Variants in ARAP1 observed in about 807,000 individuals in gnomAD.
ARAP1 encodes the protein ArfGAP with RhoGAP domain, ankyrin repeat and PH domain 1.
In ARAP1, 76 loss-of-function variants were observed where a neutral mutation model predicts 172.2. The observed-to-expected ratio is 0.44, with a 90% CI of 0.37 to 0.53. The LOEUF is 0.53. Ranked by LOEUF, ARAP1 falls within the 20% of genes least tolerant of loss-of-function variation. ARAP1 has a pLI of 0.00. For missense variants in ARAP1, 1,686 were observed against 1,977.5 expected, an observed-to-expected ratio of 0.85 and a Z score of 2.80; for synonymous variants, 804 against 803.3, an observed-to-expected ratio of 1.00 and a Z score of -0.01.
Position 72,703,416 on chromosome 11 carries a change from G to A in ARAP1, c.1993-337C>T, listed in dbSNP as rs1032060135. On this transcript the variant is annotated intron_variant, in intron 14 of 34. Transcript: ENST00000393609. ...CTGCCTTGTGGAGGAGCCGGGGGGG[G>A]GGTGTGCTTTGTAGCTAATTCCTCC... 8 of 110,398 alleles carry A rather than the reference G, an allele frequency of 7.2e-5. 1 individual carries two copies. The highest frequency in any genetic ancestry group is 2.2e-4 in the African/African-American group (5 of 22,780). 6.8% of individuals were successfully genotyped at this position (110,398 alleles called of 1,614,324 possible).
In ARAP1 at chr11:72,697,101, G is replaced by A. The variant is rs772330352; in HGVS notation, c.3048C>T (p.His1016=). The change falls in exon 22 of 35, where the codon CAC becomes CAT. Residue 1016 remains histidine (H), a synonymous_variant. Transcript: ENST00000393609. The stretch of plus-strand genomic sequence containing the variant: ...CCACGTGCTGCTCGCCCTCCTTGAG[G>A]TGCACAGAGCGCGCATCCTGCCGCA... The part of the protein sequence containing the change: ...ESLRQDARSV[H]LKEGEQHVDD... 1 of 1,608,864 alleles carries A rather than the reference G, an allele frequency of 6.2e-7. No individual in the cohort carries two copies. Among genetic ancestry groups the A allele is most frequent in the Non-Finnish European group, 8.5e-7 (1 of 1,179,922 alleles).
At chr11:72,701,895 G>T in intron 15 of ARAP1, 112 bp from the exon 16 acceptor site, 1 of 1,397,686 alleles carries the variant, frequency 7.2e-7, no homozygotes. Flanking sequence ...ATCAGCCCCA[G>T]CTCCCTAACT....
chr11:72,688,517 C>T lies in ARAP1; in HGVS notation c.4008G>A (p.Glu1336=). 3.1e-6 allele frequency: 5 copies of T among 1,612,534 alleles called. No homozygotes were observed. Among genetic ancestry groups the T allele is most frequent in the Non-Finnish European group, 3.4e-6 (4 of 1,179,388 alleles). ...AGACTTTGAGACTCTTAATAGGCCA[C>T]TCCTTCTCAGGCCGGTGACTCTGAG... is the stretch of plus-strand genomic sequence containing the variant. ...APETSHRPEK[E]WPIKSLKVYL... is the part of the protein sequence containing the mutation. Residue 1336 remains glutamate, a synonymous_variant, in exon 31 of 35, where the codon GAG becomes GAA. Coordinates refer to ENST00000393609, the MANE Select transcript of ARAP1 (RefSeq NM_001040118.3).
Position 72,693,822 on chromosome 11 carries a change from C to T in ARAP1, c.3695-17G>A. ...GGGGGCGCTCTGGGGAGAGGTCACA[C>T]CTACCGTCACTGGGACCACATGGCC... On this transcript the variant is annotated splice_polypyrimidine_tract_variant and intron_variant, in intron 27 of 34. Coordinates refer to ENST00000393609, the MANE Select transcript of ARAP1 (RefSeq NM_001040118.3). The surrounding 1 kb of genome is among the most constrained non-coding windows in gnomAD (Gnocchi z 4.6). 6.4e-7 allele frequency: 1 copy of T among 1,573,202 alleles called. No homozygotes were observed. Among genetic ancestry groups the T allele is most frequent in the Non-Finnish European group, 8.6e-7 (1 of 1,160,198 alleles).
At chr11:72,720,333 C>T (rs1391443938) in intron 3 of ARAP1, among the ~76,000 whole-genome samples, 3 of 152,210 alleles carry the variant, frequency 2.0e-5, no homozygotes, top group African/African-American at 7.2e-5. Flanking sequence ...CCTTCCTCCT[C>T]CATCATGAGA....
chr11:72,743,303 G>C (rs1382009386), intron 1 of ARAP1, among the ~76,000 whole-genome samples: 3 of 152,218 alleles, frequency 2.0e-5, no homozygotes, highest in Non-Finnish European at 2.9e-5. Context: ...TATTGAGCAG[G>C]CACTCAATAT....
intron 22 of ARAP1, 154 bp from the exon 23 acceptor site, chr11:72,696,808 G>T: frequency 1.1e-6 from 1 of 931,170 alleles, no homozygotes; most frequent in Non-Finnish European, 1.6e-6. Context: ...AGGAACTCTC[G>T]GTCTTCCAGG....
chr11:72,715,050 G>T (rs576844195), intron 3 of ARAP1, among the ~76,000 whole-genome samples: 1 of 152,338 alleles, frequency 6.6e-6, no homozygotes, highest in East Asian at 1.9e-4. Flanking sequence ...ATTGCTTCTG[G>T]CAGGCTGTCT....
intron 3 of ARAP1, among the ~76,000 whole-genome samples, chr11:72,716,337 C>T (rs1857272951): frequency 6.6e-6 from 1 of 152,216 alleles, no homozygotes; most frequent in African/African-American, 2.4e-5. Context: ...TGTCTCTTCT[C>T]CAGGTGTAGA....
chr11:72,715,650 AG>A (rs1857240385), intron 3 of ARAP1, among the ~76,000 whole-genome samples: 1 of 149,128 alleles, frequency 6.7e-6, no homozygotes, highest in Non-Finnish European at 1.5e-5. Context: ...AGCTCACTGC[AG>A]CCTCAAACTC....
At chr11:72,728,669 C>A (rs1857770217) in intron 2 of ARAP1, among the ~76,000 whole-genome samples, 1 of 151,954 alleles carries the variant, frequency 6.6e-6, no homozygotes, top group Non-Finnish European at 1.5e-5. Context: ...AGGTAGAAAC[C>A]AGGATGAAAG....
At chr11:72,689,814 C>A (rs144150487) in intron 30 of ARAP1, among the ~76,000 whole-genome samples, 1 of 152,220 alleles carries the variant, frequency 6.6e-6, no homozygotes, top group Non-Finnish European at 1.5e-5. Context: ...ATGGAACAAT[C>A]AGGGCTGCAG....
chr11:72,750,596 T>A (rs1269649103), intron 1 of ARAP1, among the ~76,000 whole-genome samples: 2 of 152,096 alleles, frequency 1.3e-5, no homozygotes, highest in Admixed American at 6.5e-5. Context: ...TGCCCCAGCA[T>A]CTTAGCAGAT....
At chr11:72,745,182 CTTTTTTTT>C (rs902550014) in intron 1 of ARAP1, among the ~76,000 whole-genome samples, 105 of 88,308 alleles carry the variant, frequency 1.2e-3, no homozygotes, top group African/African-American at 5.0e-3. Flanking sequence ...AAGTTTCTTT[CTTTTTTTT>C]TTTTTTTTTT....
rs1032591680 is a variant in ARAP1 at position 72,731,792 on chromosome 11, CTT to C, written c.-45+721_-45+722del. Among the ~76,000 whole-genome samples, 155 of 152,298 alleles carry C rather than the reference CTT, an allele frequency of 1.0e-3. 1 individual carries two copies. The highest frequency in any genetic ancestry group is 3.4e-3 in the African/African-American group (141 of 41,556). On this transcript the variant is annotated intron_variant, in intron 2 of 34. Coordinates refer to ENST00000393609, the MANE Select transcript of ARAP1 (RefSeq NM_001040118.3). ...AAATCCACCTCTGAGGAGAGGGAGA[CTT>C]TTCACTTCAACATATAAAGATGTCA... is the stretch of plus-strand genomic sequence containing the variant.
intron 1 of ARAP1, among the ~76,000 whole-genome samples, chr11:72,751,552 C>A (rs1387076355): frequency 1.3e-5 from 2 of 152,026 alleles, no homozygotes; most frequent in Non-Finnish European, 2.9e-5. Context: ...ACCCTGGGAC[C>A]CACCAAAGAG....
chr11:72,709,883 A>G lies in ARAP1; in HGVS notation c.1510T>C (p.Tyr504His), dbSNP rs565060098. 2 of 1,614,152 alleles carry G rather than the reference A, an allele frequency of 1.2e-6. No homozygotes were observed. Among genetic ancestry groups the G allele is most frequent in the African/African-American group, 1.3e-5 (1 of 75,032 alleles). The change falls in exon 11 of 35, where the codon TAC (tyrosine) becomes CAC (histidine). Residue 504 changes from tyrosine (Y) to histidine (H), a missense_variant. Around this residue, in one of 5 missense-constraint regions of ARAP1, gnomAD observed 688 missense variants for 856.9 expected, o/e 0.80. Transcript: ENST00000393609. ...DRRSFDLTTP[Y>H]RIFSFSADSE... ...ATGGAGGGTCACCTGAAGATGCGGT[A>G]GGGCGTGGTGAGGTCGAAGCTGCGC...
rs143362322 is a variant in ARAP1, at chr11:72,710,556, C to A, written c.1245G>T (p.Gln415His). Reference protein sequence around the residue: ...VERKEWMQALQQAMAEQRARA... With the variant: ...VERKEWMQALHQAMAEQRARA... Reference sequence around the variant, plus strand: ...GGGCACGCTGCTCAGCCATGGCCTGCTGCAGGGCCTGCATCCACTCCTTCC... The same window carrying A: ...GGGCACGCTGCTCAGCCATGGCCTGATGCAGGGCCTGCATCCACTCCTTCC... The change falls in exon 10 of 35, where the codon CAG becomes CAT. Residue 415 changes from glutamine (Q) to histidine (H), a missense_variant. Physicochemically the swap from Gln to His is conservative, Grantham distance 24. Coordinates refer to ENST00000393609, the MANE Select transcript of ARAP1 (RefSeq NM_001040118.3). The surrounding 1 kb of genome is among the most constrained non-coding windows in gnomAD (Gnocchi z 4.3). 2 of 1,609,752 alleles carry A rather than the reference C, an allele frequency of 1.2e-6. No homozygotes were observed. Among genetic ancestry groups the A allele is most frequent in the African/African-American group, 1.3e-5 (1 of 74,912 alleles).
chr11:72,699,451 C>A lies in ARAP1; in HGVS notation c.2404G>T (p.Val802Leu). The A allele has an allele frequency of 6.2e-7, 1 of 1,614,182 alleles. No homozygotes were observed. Among genetic ancestry groups the A allele is most frequent in the Non-Finnish European group, 8.5e-7 (1 of 1,180,032 alleles). ...TCAGGAGGGGGCACTGCCAGGCACA[C>A]AATCTCGCTGGCCCGAATCTCTCCA... Reference protein sequence around the residue: ...PNGEIRASEIVCLAVPPPDTH... With the variant: ...PNGEIRASEILCLAVPPPDTH... Residue 802 changes from valine to leucine, a missense_variant, in exon 17 of 35, where the codon GTG (valine) becomes TTG (leucine). Around this residue, in one of 5 missense-constraint regions of ARAP1, gnomAD observed 688 missense variants for 856.9 expected, o/e 0.80. Coordinates refer to ENST00000393609, the MANE Select transcript of ARAP1 (RefSeq NM_001040118.3). The surrounding 1 kb of genome is among the most constrained non-coding windows in gnomAD (Gnocchi z 4.2).
Sources: gnomAD v4.1 joint callset for allele counts (sites outside exome capture counted in the v4.1 genomes callset) on GRCh38, gnomAD v4.1.1 for gene constraint, gnomAD v4.1.1 regional missense constraint, Gnocchi (gnomAD v3.1) non-coding constraint, MANE v1.5 for transcripts, NCBI Gene and HGNC (gene_info 2026-07-23, HGNC 2026-07-21) for gene names.